The following ARSB variants were observed in gnomAD, a reference collection of about 807,000 sequenced individuals.
The protein encoded by ARSB is N-acetylgalactosamine-4-sulfatase.
In ARSB, 41 loss-of-function variants were observed where a neutral mutation model predicts 50.9. That is an observed-to-expected ratio of 0.81 (90% CI 0.63 to 1.04). ARSB has a LOEUF of 1.04. Ranked by LOEUF, ARSB falls within the 50% of genes least tolerant of loss-of-function variation. The pLI is 0.00. For missense variants in ARSB, 672 were observed against 693.3 expected (o/e 0.97, Z 0.35); for synonymous variants, 269 against 284.8 (o/e 0.94, Z 0.56).
At chr5:78,906,110 G>A (rs1749053864) in intron 4 of ARSB, among the ~76,000 whole-genome samples, 1 of 151,692 alleles carries the variant, frequency 6.6e-6, no homozygotes, top group African/African-American at 2.4e-5. Context: ...TCTGGACACT[G>A]TGGCTCACAC....
At chr5:78,941,167 G>A (rs1295933034) in intron 4 of ARSB, among the ~76,000 whole-genome samples, 1 of 151,298 alleles carries the variant, frequency 6.6e-6, no homozygotes. Flanking sequence ...TTGCTTATCA[G>A]CTTAAGGAGA....
chr5:78,980,938 C>CTTTTTT (rs762385496), intron 1 of ARSB, among the ~76,000 whole-genome samples: 19 of 24,480 alleles, frequency 7.8e-4, no homozygotes, highest in Non-Finnish European at 8.3e-4. Context: ...ATTTCTAGTT[C>CTTTTTT]TTTTTTTTTT....
Position 78,885,577 on chromosome 5 carries a change from T to A in ARSB, c.1142+7A>T, listed in dbSNP as rs1308281232. ...TCCTGGGAGGAAAAAGGGCAGGGTG[T>A]AGGTACCTGATGGTTTTCCACACGT... On this transcript the variant is annotated splice_region_variant and intron_variant, in intron 5 of 7. Transcript: ENST00000264914. 5 of 1,613,084 alleles carry A rather than the reference T, an allele frequency of 3.1e-6. No individual in the cohort carries two copies. Among genetic ancestry groups the A allele is most frequent in the Non-Finnish European group, 4.2e-6 (5 of 1,179,978 alleles).
At chr5:78,783,492 G>A (rs546030712) in intron 6 of ARSB, 43 of 152,218 alleles carry the variant, frequency 2.8e-4, no homozygotes, top group African/African-American at 1.0e-3. Flanking sequence ...TCACACAGCA[G>A]CAAATCTTTA....
At chr5:78,866,443 G>A (rs1029921303) in intron 5 of ARSB, among the ~76,000 whole-genome samples, 1 of 152,260 alleles carries the variant, frequency 6.6e-6, no homozygotes, top group Non-Finnish European at 1.5e-5. Context: ...GATGAGATTT[G>A]GGTGGGGACA....
At chr5:78,840,532 T>A (rs1490964308) in intron 5 of ARSB, among the ~76,000 whole-genome samples, 1 of 152,164 alleles carries the variant, frequency 6.6e-6, no homozygotes, top group Non-Finnish European at 1.5e-5. Context: ...TGAATTAATT[T>A]AAAACAAAAC....
chr5:78,890,379 T>C (rs985976286), intron 4 of ARSB, among the ~76,000 whole-genome samples: 2 of 151,852 alleles, frequency 1.3e-5, no homozygotes, highest in South Asian at 4.2e-4. Context: ...GCCTCCCAAG[T>C]AGCTGGGACT....
intron 5 of ARSB, among the ~76,000 whole-genome samples, chr5:78,853,647 G>A (rs1311118092): frequency 6.6e-6 from 1 of 152,238 alleles, no homozygotes; most frequent in African/African-American, 2.4e-5. Context: ...GTTTGTCTGT[G>A]CCCTGCCCCC....
intron 5 of ARSB, among the ~76,000 whole-genome samples, chr5:78,876,326 C>T (rs973071898): frequency 2.6e-5 from 4 of 152,230 alleles, no homozygotes; most frequent in Admixed American, 6.6e-5. Flanking sequence ...CAAGAAAATA[C>T]TGGTAAAGAA....
At chr5:78,934,388 C>T (rs73769402) in intron 4 of ARSB, among the ~76,000 whole-genome samples, 4,729 of 152,036 alleles carry the variant, frequency 0.031, 259 homozygotes, top group African/African-American at 0.11. Flanking sequence ...CAAAGTATAG[C>T]TGTTTAGTAT....
intron 5 of ARSB, among the ~76,000 whole-genome samples, chr5:78,841,285 A>C (rs1036422008): frequency 6.6e-6 from 1 of 152,234 alleles, no homozygotes; most frequent in Admixed American, 6.5e-5. Context: ...AGCTATGATC[A>C]CACCACTGCA....
intron 5 of ARSB, among the ~76,000 whole-genome samples, chr5:78,841,158 ACT>A (rs1491558435): frequency 0.038 from 5,150 of 135,926 alleles, 179 homozygotes; most frequent in Non-Finnish European, 0.046. Context: ...TACTACTACT[ACT>A]ACTACTACTA....
intron 6 of ARSB, among the ~76,000 whole-genome samples, chr5:78,808,250 T>A (rs1362565547): frequency 2.0e-5 from 3 of 151,960 alleles, no homozygotes; most frequent in Non-Finnish European, 4.4e-5. Flanking sequence ...CTCCCCATAT[T>A]ATTTCCAAGC....
chr5:78,843,755 C>T (rs1176231195), intron 5 of ARSB, among the ~76,000 whole-genome samples: 2 of 152,186 alleles, frequency 1.3e-5, no homozygotes, highest in Non-Finnish European at 2.9e-5. Flanking sequence ...GTTAATCTGT[C>T]TCTACAGATT....
intron 5 of ARSB, among the ~76,000 whole-genome samples, chr5:78,841,180 A>ATAATAATAATAATAATAATAATAC: frequency 1.0e-5 from 1 of 98,086 alleles, no homozygotes; most frequent in Admixed American, 9.1e-5. Flanking sequence ...AATAATAATA[A>ATAATAATAATAATAATAATAATAC]TAATTTGAGC....
At chr5:78,827,446 T>G (rs1243457011) in intron 6 of ARSB, among the ~76,000 whole-genome samples, 1 of 152,158 alleles carries the variant, frequency 6.6e-6, no homozygotes, top group Non-Finnish European at 1.5e-5. Flanking sequence ...CCTGGCCTCA[T>G]GCAATCCACC....
chr5:78,844,766 TA>T (rs1745371610), intron 5 of ARSB, among the ~76,000 whole-genome samples: 1 of 152,130 alleles, frequency 6.6e-6, no homozygotes, highest in Non-Finnish European at 1.5e-5. Context: ...AATTGACATA[TA>T]AATATACATA....
At chr5:78,849,998 C>A (rs1017439690) in intron 5 of ARSB, among the ~76,000 whole-genome samples, 5 of 151,090 alleles carry the variant, frequency 3.3e-5, no homozygotes, top group East Asian at 1.9e-4. Flanking sequence ...ACAATCATGT[C>A]ATCTGCAAAC....
chr5:78,874,817 A>C (rs1349147306), intron 5 of ARSB, among the ~76,000 whole-genome samples: 1 of 152,194 alleles, frequency 6.6e-6, no homozygotes, highest in Non-Finnish European at 1.5e-5. Flanking sequence ...TCTCAAATTT[A>C]AAACAATTAG....
Sources: gnomAD v4.1 joint callset for allele counts (sites outside exome capture counted in the v4.1 genomes callset) on GRCh38, gnomAD v4.1.1 for gene constraint, MANE v1.5 for transcripts, NCBI Gene and HGNC (gene_info 2026-07-23, HGNC 2026-07-21) for gene names.